PAX7: variants seen among roughly 807,000 people sequenced by gnomAD.
PAX7 encodes paired box protein Pax-7.
PAX7 carries 18 observed loss-of-function variants against 50.7 expected under a neutral mutation model. That is an observed-to-expected ratio of 0.36 (90% CI 0.25 to 0.53). The LOEUF (loss-of-function observed/expected upper bound fraction) is 0.53. Among genes scored for constraint, PAX7 ranks in the 20% least tolerant of loss-of-function variants. PAX7 has a pLI of 0.93. For synonymous variants in PAX7, 310 were observed against 290.4 expected (o/e 1.07, Z -0.69); for missense variants, 644 against 702.9 (o/e 0.92, Z 0.95).
Position 18,700,966 on chromosome 1 carries a change from C to T in PAX7, c.952+148C>T. On this transcript the variant is annotated intron_variant, in intron 6 of 8. Coordinates refer to ENST00000420770, the MANE Select transcript of PAX7 (RefSeq NM_001135254.2). The surrounding 1 kb of genome is among the most constrained non-coding windows in gnomAD (Gnocchi z 4.8). ...GAGAGCAAAAAGATGCAATCCTGCCCTTGAAATTCTTGGCCCTGACACAGA... is the reference window on the plus strand; with the variant it reads ...GAGAGCAAAAAGATGCAATCCTGCCTTTGAAATTCTTGGCCCTGACACAGA... 1.2e-6 allele frequency: 1 copy of T among 812,916 alleles called. No homozygotes were observed. Among genetic ancestry groups the T allele is most frequent in the Non-Finnish European group, 1.8e-6 (1 of 564,572 alleles). The allele number at this position is 812,916 out of a possible 1,614,324, so 50.4% of individuals were successfully genotyped here. A position where few individuals can be genotyped will look rare whatever the true frequency, so the allele number is the denominator to read the frequency against.
At chr1:18,683,890 G>A (rs1174567776) in intron 4 of PAX7, among the ~76,000 whole-genome samples, 1 of 152,136 alleles carries the variant, frequency 6.6e-6, no homozygotes, top group Non-Finnish European at 1.5e-5. Flanking sequence ...GGTGGGTGGT[G>A]GATGGGTGCT....
intron 4 of PAX7, among the ~76,000 whole-genome samples, chr1:18,679,331 TGAG>T (rs2088865454): frequency 6.6e-6 from 1 of 152,182 alleles, no homozygotes; most frequent in Non-Finnish European, 1.5e-5. Flanking sequence ...GCTCCAGCAC[TGAG>T]GAGGGGTGAG....
intron 7 of PAX7, among the ~76,000 whole-genome samples, chr1:18,713,518 A>G (rs545953168): frequency 1.3e-5 from 2 of 152,354 alleles, no homozygotes; most frequent in South Asian, 4.1e-4. Flanking sequence ...ATCATTACAT[A>G]TGATTCCCTT....
intron 5 of PAX7, among the ~76,000 whole-genome samples, chr1:18,695,098 A>G (rs1316705105): frequency 6.6e-6 from 1 of 152,080 alleles, no homozygotes; most frequent in Non-Finnish European, 1.5e-5. Flanking sequence ...CCAAATACCT[A>G]GATGTGGATT....
Position 18,635,511 on chromosome 1 carries a change from T to A in PAX7, c.451+271T>A, listed in dbSNP as rs535064896. On this transcript the variant is annotated intron_variant, in intron 3 of 8. Coordinates refer to ENST00000420770, the MANE Select transcript of PAX7 (RefSeq NM_001135254.2). ...GGGAGGAAGAAGGAAGGAAGGAAGG[T>A]AGGAAGGAAGGAAGGAAAGAAGGAA... is the stretch of plus-strand genomic sequence containing the variant. Among the ~76,000 whole-genome samples the A allele has an allele frequency of 6.0e-3, 806 of 134,298 alleles. 3 individuals are homozygous for A. Among genetic ancestry groups the A allele is most frequent in the South Asian group, 0.026 (107 of 4,074 alleles). The allele number at this position is 134,298 out of a possible 152,430, so 88.1% of individuals were successfully genotyped here. A position where few individuals can be genotyped will look rare whatever the true frequency, so the allele number is the denominator to read the frequency against.
At chr1:18,645,041 A>G (rs964642373) in intron 4 of PAX7, among the ~76,000 whole-genome samples, 1 of 152,154 alleles carries the variant, frequency 6.6e-6, no homozygotes, top group Non-Finnish European at 1.5e-5. Context: ...GTGTCTCGTT[A>G]TGTGTTTGTT....
chr1:18,640,876 G>A (rs1421158931), intron 4 of PAX7, among the ~76,000 whole-genome samples: 1 of 151,434 alleles, frequency 6.6e-6, no homozygotes, highest in Admixed American at 6.6e-5. Flanking sequence ...GGAGAGGGGC[G>A]TGCGGAGCTG....
intron 3 of PAX7, among the ~76,000 whole-genome samples, chr1:18,635,511 TAGGA>T (rs138334090): frequency 2.2e-5 from 3 of 134,428 alleles, no homozygotes; most frequent in Non-Finnish European, 3.2e-5. Flanking sequence ...GGAAGGAAGG[TAGGA>T]AGGAAGGAAG....
At chr1:18,686,281 A>C (rs770407244) in intron 4 of PAX7, among the ~76,000 whole-genome samples, 1 of 152,176 alleles carries the variant, frequency 6.6e-6, no homozygotes, top group African/African-American at 2.4e-5. Context: ...ACTGCTCCAC[A>C]TCCCTGACTA....
chr1:18,638,754 T>A (rs546148612), intron 4 of PAX7, among the ~76,000 whole-genome samples: 5 of 152,202 alleles, frequency 3.3e-5, no homozygotes, highest in South Asian at 4.1e-4. Context: ...GAGGGCCATC[T>A]ATCCATCTGT....
In PAX7 at chr1:18,735,564, G is replaced by A; in HGVS notation, c.1156-68G>A. The stretch of plus-strand genomic sequence containing the variant: ...AGTGTTCCAGGGCCAGCCTGGCATT[G>A]TGCCCAGTGTGCTCGTGTCTCTGGG... On this transcript the variant is annotated intron_variant, in intron 7 of 8. Coordinates refer to ENST00000420770, the MANE Select transcript of PAX7 (RefSeq NM_001135254.2). This position sits in a 1 kb window ranked among gnomAD's most constrained non-coding sequence, Gnocchi z 4.0. 5 of 1,553,234 alleles carry A rather than the reference G, an allele frequency of 3.2e-6. No individual in the cohort carries two copies. The South Asian group carries it at 6.1e-5, about 19-fold the overall frequency.
intron 4 of PAX7, among the ~76,000 whole-genome samples, chr1:18,672,910 C>T (rs79431596): frequency 6.6e-6 from 1 of 151,996 alleles, no homozygotes; most frequent in Non-Finnish European, 1.5e-5. Flanking sequence ...GGCCAGAGCA[C>T]TGGTATTTTA....
At chr1:18,722,510 CTCGATAAG>C (rs2089507105) in intron 7 of PAX7, among the ~76,000 whole-genome samples, 1 of 152,114 alleles carries the variant, frequency 6.6e-6, no homozygotes. Context: ...GCGCTTTATC[CTCGATAAG>C]TGGATTAGTC....
intron 6 of PAX7, among the ~76,000 whole-genome samples, chr1:18,702,020 A>T (rs145273275): frequency 6.6e-6 from 1 of 152,244 alleles, no homozygotes; most frequent in Non-Finnish European, 1.5e-5. Context: ...AGCACACACC[A>T]GGAATACCAC....
At chr1:18,742,636 T>G (rs974161937) in intron 8 of PAX7, among the ~76,000 whole-genome samples, 1 of 152,156 alleles carries the variant, frequency 6.6e-6, no homozygotes, top group African/African-American at 2.4e-5. Flanking sequence ...CCAACTCTGC[T>G]CTACCAACTG....
At chr1:18,679,385 C>T (rs1449918473) in intron 4 of PAX7, among the ~76,000 whole-genome samples, 1 of 152,216 alleles carries the variant, frequency 6.6e-6, no homozygotes, top group Non-Finnish European at 1.5e-5. Flanking sequence ...CAGGCTTGGC[C>T]TCTCAGGCAT....
chr1:18,653,556 G>A (rs188569341), intron 4 of PAX7, among the ~76,000 whole-genome samples: 2 of 152,190 alleles, frequency 1.3e-5, no homozygotes, highest in South Asian at 2.1e-4. Flanking sequence ...ATGTGGATAT[G>A]GGTGTGTAGC....
rs568658114 is a variant in PAX7, at chr1:18,735,372, G to A, written c.1156-260G>A. Among the ~76,000 whole-genome samples, 8 of 152,284 alleles carry A rather than the reference G, an allele frequency of 5.3e-5. No individual in the cohort carries two copies. In the East Asian group the frequency reaches 1.2e-3, roughly 22 times the overall value. On this transcript the variant is annotated intron_variant, in intron 7 of 8. Transcript: ENST00000420770. The surrounding 1 kb of genome is among the most constrained non-coding windows in gnomAD (Gnocchi z 4.0). ...GGCCAGACCCTGGAGCTAGAGAGGC[G>A]AGTAAGGCCCTGCTGAGTTCTCAGT...
Position 18,632,979 on chromosome 1 carries a change from A to C in PAX7, c.85+1291A>C, listed in dbSNP as rs527833197. On this transcript the variant is annotated intron_variant, in intron 1 of 8. Coordinates refer to ENST00000420770, the MANE Select transcript of PAX7 (RefSeq NM_001135254.2). The surrounding 1 kb of genome is among the most constrained non-coding windows in gnomAD (Gnocchi z 6.3). ...CAACATGACGCAGAATACTGAGGAG[A>C]GCCGAGTGCCGGTCGCTAAAGAGGC... Among the ~76,000 whole-genome samples the C allele has an allele frequency of 7.7e-4, 117 of 152,342 alleles. 5 individuals are homozygous for C. In the South Asian group the frequency reaches 0.023, roughly 31 times the overall value.
Sources: allele counts gnomAD v4.1 joint callset (sites outside exome capture counted in the v4.1 genomes callset), GRCh38; gene constraint gnomAD v4.1.1; non-coding constraint Gnocchi (gnomAD v3.1); transcripts MANE v1.5; gene names NCBI Gene and HGNC (gene_info 2026-07-23, HGNC 2026-07-21).